The following PLCB1 variants were observed in gnomAD, a reference collection of about 807,000 sequenced individuals.
PLCB1 encodes 1-phosphatidylinositol 4,5-bisphosphate phosphodiesterase beta-1.
PLCB1 carries 46 observed loss-of-function variants against 161.8 expected under a neutral mutation model. The ratio of observed to expected loss-of-function variants is 0.28; its 90% CI spans 0.22 to 0.36. The LOEUF is 0.36. Ranked by LOEUF, PLCB1 falls within the 10% of genes least tolerant of loss-of-function variation. PLCB1 has a pLI of 1.00. For missense variants in PLCB1, 1,016 were observed against 1,472.5 expected, an observed-to-expected ratio of 0.69 and a Z score of 5.07; for synonymous variants, 517 against 503.7, an observed-to-expected ratio of 1.03 and a Z score of -0.35.
Position 8,371,469 on chromosome 20 carries a change from T to C in PLCB1, c.246+19T>C. 1.3e-6 allele frequency: 2 copies of C among 1,561,288 alleles called. No homozygotes were observed. On this transcript the variant is annotated intron_variant, in intron 3 of 31. Coordinates refer to ENST00000338037, the MANE Select transcript of PLCB1 (RefSeq NM_015192.4). ...TCCCAAGGTAGGAGGTTGAGTGTTG[T>C]GCATGCACCAGATGCTGCCTTGATT...
chr20:8,449,175 G>C (rs188637005), intron 3 of PLCB1, among the ~76,000 whole-genome samples: 1 of 152,296 alleles, frequency 6.6e-6, no homozygotes. Context: ...GAATGCTTAT[G>C]ACATACCAGG....
At chr20:8,866,807 C>T (rs768617717) in intron 31 of PLCB1, among the ~76,000 whole-genome samples, 4 of 152,060 alleles carry the variant, frequency 2.6e-5, no homozygotes, top group Non-Finnish European at 5.9e-5. Context: ...TCTCAAAATG[C>T]CTGTGAGGCC....
chr20:8,834,613 A>G (rs992193288), intron 31 of PLCB1, among the ~76,000 whole-genome samples: 1 of 151,982 alleles, frequency 6.6e-6, no homozygotes, highest in Non-Finnish European at 1.5e-5. Context: ...TCAGGAGTTC[A>G]AGACTAGCCT....
chr20:8,689,233 G>A (rs1477198305), intron 10 of PLCB1, among the ~76,000 whole-genome samples: 1 of 152,048 alleles, frequency 6.6e-6, no homozygotes, highest in Non-Finnish European at 1.5e-5. Flanking sequence ...TCTGTTCTAG[G>A]AGCTTTCTAG....
At chr20:8,294,636 A>T (rs1167995391) in intron 2 of PLCB1, among the ~76,000 whole-genome samples, 1 of 150,628 alleles carries the variant, frequency 6.6e-6, no homozygotes, top group Admixed American at 6.6e-5. Flanking sequence ...CTAGCAGAGC[A>T]CAAGCACTCC....
chr20:8,840,170 G>A (rs1222489701), intron 31 of PLCB1, among the ~76,000 whole-genome samples: 1 of 151,956 alleles, frequency 6.6e-6, no homozygotes, highest in East Asian at 1.9e-4. Flanking sequence ...GACATTCACA[G>A]GGCCCCTAAG....
intron 31 of PLCB1, among the ~76,000 whole-genome samples, chr20:8,799,599 A>G (rs569788596): frequency 7.2e-5 from 11 of 152,286 alleles, no homozygotes; most frequent in Admixed American, 4.6e-4. Context: ...AAAGCAACTA[A>G]TGTAAAATTT....
chr20:8,700,525 T>C (rs1233243394), intron 11 of PLCB1, among the ~76,000 whole-genome samples: 7 of 152,204 alleles, frequency 4.6e-5, no homozygotes, highest in African/African-American at 1.7e-4. Context: ...TTCTGGGCTC[T>C]GGAAGCATGG....
At chr20:8,836,353 G>C (rs1986282671) in intron 31 of PLCB1, among the ~76,000 whole-genome samples, 1 of 152,208 alleles carries the variant, frequency 6.6e-6, no homozygotes, top group African/African-American at 2.4e-5. Flanking sequence ...CTGGTCCACA[G>C]GGTGCCCATT....
At chr20:8,749,151 A>G (rs899194057) in intron 23 of PLCB1, among the ~76,000 whole-genome samples, 4 of 152,310 alleles carry the variant, frequency 2.6e-5, no homozygotes, top group Admixed American at 2.6e-4. Flanking sequence ...ATGGCTTCCT[A>G]AAACACAGAT....
intron 31 of PLCB1, among the ~76,000 whole-genome samples, chr20:8,795,999 TC>T (rs1466560494): frequency 6.6e-6 from 1 of 152,128 alleles, no homozygotes; most frequent in Non-Finnish European, 1.5e-5. Context: ...AGAAGAATCA[TC>T]TTTTGAGGGG....
intron 31 of PLCB1, among the ~76,000 whole-genome samples, chr20:8,812,709 C>T (rs899073391): frequency 2.6e-5 from 4 of 152,126 alleles, no homozygotes; most frequent in Admixed American, 1.3e-4. Context: ...ATAGATTTAC[C>T]CACCATTTGG....
intron 4 of PLCB1, among the ~76,000 whole-genome samples, chr20:8,630,613 A>C (rs1448322285): frequency 1.3e-5 from 2 of 152,210 alleles, no homozygotes; most frequent in Non-Finnish European, 2.9e-5. Context: ...TGGATGGATA[A>C]ATTAATACAG....
At chr20:8,614,541 T>A (rs1987994895) in intron 3 of PLCB1, among the ~76,000 whole-genome samples, 1 of 151,764 alleles carries the variant, frequency 6.6e-6, no homozygotes, top group Non-Finnish European at 1.5e-5. Flanking sequence ...AGCAGTCAAG[T>A]TACAAATAAA....
chr20:8,139,267 T>A (rs958929435), intron 1 of PLCB1, among the ~76,000 whole-genome samples: 2 of 151,876 alleles, frequency 1.3e-5, no homozygotes, highest in Admixed American at 6.6e-5. Flanking sequence ...ATTTTTATTT[T>A]TATTTTTAGT....
At chr20:8,567,190 C>A (rs1313053462) in intron 3 of PLCB1, among the ~76,000 whole-genome samples, 1 of 152,122 alleles carries the variant, frequency 6.6e-6, no homozygotes, top group Non-Finnish European at 1.5e-5. Flanking sequence ...TCTGCAGCAG[C>A]CTCTTGATTT....
At chr20:8,630,713 T>C (rs1302002216) in intron 4 of PLCB1, among the ~76,000 whole-genome samples, 1 of 152,220 alleles carries the variant, frequency 6.6e-6, no homozygotes, top group Non-Finnish European at 1.5e-5. Context: ...GACCAATTTA[T>C]GGGATGCACT....
At chr20:8,342,727 C>T (rs529003768) in intron 2 of PLCB1, among the ~76,000 whole-genome samples, 6 of 152,146 alleles carry the variant, frequency 3.9e-5, no homozygotes, top group Admixed American at 6.6e-5. Context: ...TGGGTCCTCA[C>T]GGCACCCTTG....
At chr20:8,823,250 G>T (rs1489342109) in intron 31 of PLCB1, among the ~76,000 whole-genome samples, 1 of 152,122 alleles carries the variant, frequency 6.6e-6, no homozygotes, top group East Asian at 1.9e-4. Flanking sequence ...AGCCTCCCTG[G>T]TAGCTGAGAT....
Sources: allele counts gnomAD v4.1 joint callset (sites outside exome capture counted in the v4.1 genomes callset), GRCh38; gene constraint gnomAD v4.1.1; transcripts MANE v1.5; gene names NCBI Gene and HGNC (gene_info 2026-07-23, HGNC 2026-07-21).